The following ITGA11 variants were observed in gnomAD, a reference collection of about 807,000 sequenced individuals.
The protein encoded by ITGA11 is integrin alpha-11.
Under a neutral mutation model 141.9 loss-of-function variants are expected in ITGA11, and 97 were observed. That is an observed-to-expected ratio of 0.68 (90% CI 0.58 to 0.81). The LOEUF is 0.81. Among genes scored for constraint, ITGA11 ranks in the 30% least tolerant of loss-of-function variants. The probability of loss-of-function intolerance (pLI) is 0.00; values close to 1 mark genes in which losing one functional copy is unlikely to be tolerated. For missense variants in ITGA11, 1,387 were observed against 1,559.2 expected (o/e 0.89, Z 1.86); for synonymous variants, 658 against 624.6 (o/e 1.05, Z -0.80).
At chr15:68,406,137 C>T (rs1318896415) in intron 1 of ITGA11, among the ~76,000 whole-genome samples, 2 of 152,174 alleles carry the variant, frequency 1.3e-5, no homozygotes, top group Non-Finnish European at 2.9e-5. Flanking sequence ...CAGATTGTGT[C>T]TTTGGGGCCT....
Position 68,400,750 on chromosome 15 carries a change from A to T in ITGA11, c.164+2168T>A, listed in dbSNP as rs867051136. 2.3e-4 allele frequency among the ~76,000 whole-genome samples: 4 copies of T among 17,682 alleles called. 1 individual carries two copies. Among genetic ancestry groups the T allele is most frequent in the East Asian group, 0.028 (2 of 72 alleles). 11.6% of individuals were successfully genotyped at this position (17,682 alleles called of 152,430 possible). A position where few individuals can be genotyped will look rare whatever the true frequency, so the allele number is the denominator to read the frequency against. The stretch of plus-strand genomic sequence containing the variant: ...AATAAATATTATATATTATATAATA[A>T]ATATTATAATATTATATATTATATA... On this transcript the variant is annotated intron_variant, in intron 2 of 29. Transcript: ENST00000315757.
intron 2 of ITGA11, among the ~76,000 whole-genome samples, chr15:68,377,573 G>A (rs140216635): frequency 9.2e-4 from 140 of 152,230 alleles, no homozygotes; most frequent in African/African-American, 3.0e-3. Flanking sequence ...CGCCTGGCCC[G>A]AAGTAAAACT....
intron 9 of ITGA11, among the ~76,000 whole-genome samples, chr15:68,350,154 G>A (rs749610062): frequency 3.9e-5 from 6 of 152,106 alleles, no homozygotes; most frequent in African/African-American, 4.8e-5. Flanking sequence ...CCTCACGTCC[G>A]GCACGGAGTA....
Position 68,334,393 on chromosome 15 carries a change from C to T in ITGA11, c.1425+1304G>A, listed in dbSNP as rs142920162. On this transcript the variant is annotated intron_variant, in intron 12 of 29. Coordinates refer to ENST00000315757, the MANE Select transcript of ITGA11 (RefSeq NM_001004439.2). Reference sequence around the variant, plus strand: ...GAATTGCTTGCCCAAGGTCAGAAGGCCGGTCACCTGGTCACTGCCAAGCTG... The same window carrying T: ...GAATTGCTTGCCCAAGGTCAGAAGGTCGGTCACCTGGTCACTGCCAAGCTG... Among the ~76,000 whole-genome samples, 896 of 152,282 alleles carry T rather than the reference C, an allele frequency of 5.9e-3. 13 individuals carry two copies. Among genetic ancestry groups the T allele is most frequent in the African/African-American group, 0.02 (838 of 41,528 alleles).
chr15:68,363,996 A>G (rs554321640), intron 4 of ITGA11, among the ~76,000 whole-genome samples: 1 of 152,332 alleles, frequency 6.6e-6, no homozygotes, highest in South Asian at 2.1e-4. Context: ...CAGGGTCTCT[A>G]TTCATTGCTG....
chr15:68,365,074 C>A (rs1895375606), intron 3 of ITGA11: 2 of 926,898 alleles, frequency 2.2e-6, no homozygotes, highest in Non-Finnish European at 1.3e-6. Flanking sequence ...TAGCCCACAG[C>A]TTTTCCTCCT....
At chr15:68,366,524 C>T (rs72743277) in intron 3 of ITGA11, among the ~76,000 whole-genome samples, 15,674 of 152,202 alleles carry the variant, frequency 0.1, 1,034 homozygotes, top group Non-Finnish European at 0.15. Flanking sequence ...TTCTGCCCTC[C>T]GTTTATTTAA....
rs1273809709 is a variant in ITGA11, at chr15:68,302,225, G to A, written c.*834C>T. ...GGGGCAGGCTGCAGCAAGAAGACGT[G>A]GGAATGCACAGCCCCAGGGATTGTG... On this transcript the variant is annotated 3_prime_UTR_variant, in exon 30 of 30. Coordinates refer to ENST00000315757, the MANE Select transcript of ITGA11 (RefSeq NM_001004439.2). 6.6e-6 allele frequency: 1 copy of A among 152,174 alleles called. No individual in the cohort carries two copies. The highest frequency in any genetic ancestry group is 1.5e-5 in the Non-Finnish European group (1 of 68,082). 9.4% of individuals were successfully genotyped at this position (152,174 alleles called of 1,614,324 possible). A position where few individuals can be genotyped will look rare whatever the true frequency, so the allele number is the denominator to read the frequency against.
At chr15:68,336,010 TG>T in intron 11 of ITGA11, 165 bp from the exon 12 acceptor site, 1 of 804,306 alleles carries the variant, frequency 1.2e-6, no homozygotes, top group Non-Finnish European at 1.9e-6. Flanking sequence ...TAGGGGCAGC[TG>T]GGGAGGCCTG....
intron 5 of ITGA11, among the ~76,000 whole-genome samples, chr15:68,359,429 T>G (rs1478948804): frequency 6.6e-6 from 1 of 152,156 alleles, no homozygotes; most frequent in Non-Finnish European, 1.5e-5. Context: ...GTAGATCACC[T>G]GAGATCAGGA....
At chr15:68,313,991 G>A in intron 22 of ITGA11, 123 bp from the exon 23 acceptor site, 2 of 703,192 alleles carry the variant, frequency 2.8e-6, no homozygotes, top group Non-Finnish European at 5.0e-6. Context: ...GCACCAGACA[G>A]GCCAGACAGG....
chr15:68,311,872 G>A (rs1893399695), intron 24 of ITGA11, among the ~76,000 whole-genome samples: 1 of 152,220 alleles, frequency 6.6e-6, no homozygotes, highest in South Asian at 2.1e-4. Context: ...CACATTCAGT[G>A]CCAGGACAGC....
At chr15:68,365,954 G>A (rs1895409146) in intron 3 of ITGA11, among the ~76,000 whole-genome samples, 1 of 152,192 alleles carries the variant, frequency 6.6e-6, no homozygotes, top group African/African-American at 2.4e-5. Flanking sequence ...GGTCAGGAAG[G>A]CCAGCTGGTG....
intron 8 of ITGA11, 113 bp from the exon 9 acceptor site, chr15:68,350,895 G>T: frequency 9.4e-7 from 1 of 1,059,614 alleles, no homozygotes; most frequent in Non-Finnish European, 1.4e-6. Flanking sequence ...AGGGCCGGTA[G>T]CCATGAGAGT....
chr15:68,353,531 GA>G, intron 7 of ITGA11, among the ~76,000 whole-genome samples: 1 of 152,288 alleles, frequency 6.6e-6, no homozygotes, highest in South Asian at 2.1e-4. Flanking sequence ...ATGGACCCAA[GA>G]AAAATGTCAG....
chr15:68,327,366 C>A (rs1371020911), intron 16 of ITGA11, among the ~76,000 whole-genome samples: 1 of 152,242 alleles, frequency 6.6e-6, no homozygotes, highest in Non-Finnish European at 1.5e-5. Context: ...TCCAGCACGC[C>A]CGCAGGTTGC....
chr15:68,351,975 C>T (rs1447897566), intron 7 of ITGA11, among the ~76,000 whole-genome samples: 2 of 151,674 alleles, frequency 1.3e-5, no homozygotes, highest in African/African-American at 4.8e-5. Flanking sequence ...CCCAACTACT[C>T]GGGAGGCTGA....
chr15:68,318,695 T>A (rs1032946517), intron 20 of ITGA11, among the ~76,000 whole-genome samples: 4 of 152,020 alleles, frequency 2.6e-5, no homozygotes, highest in African/African-American at 9.7e-5. Context: ...CCCTCCTGGC[T>A]ATAGGAACTG....
intron 2 of ITGA11, among the ~76,000 whole-genome samples, chr15:68,384,167 C>T (rs1304237775): frequency 6.6e-6 from 1 of 151,776 alleles, no homozygotes; most frequent in Non-Finnish European, 1.5e-5. Context: ...GAGATTAGCT[C>T]CATCTCTGGT....
Sources: gnomAD v4.1 joint callset for allele counts (sites outside exome capture counted in the v4.1 genomes callset) on GRCh38, gnomAD v4.1.1 for gene constraint, MANE v1.5 for transcripts, NCBI Gene and HGNC (gene_info 2026-07-23, HGNC 2026-07-21) for gene names.